Variants in ACTA2 observed in about 807,000 individuals in gnomAD.
The protein encoded by ACTA2 is actin, aortic smooth muscle.
Under a neutral mutation model 39.5 loss-of-function variants are expected in ACTA2, and 12 were observed. That is an observed-to-expected ratio of 0.30 (90% CI 0.19 to 0.49). The LOEUF (loss-of-function observed/expected upper bound fraction) is 0.49, where lower values mean the gene tolerates loss of function less well. Among genes scored for constraint, ACTA2 ranks in the 20% least tolerant of loss-of-function variants. The pLI, the probability that ACTA2 is intolerant of heterozygous loss-of-function variation, is 0.99. For missense variants in ACTA2, 236 were observed against 498.8 expected (o/e 0.47, Z 5.02); for synonymous variants, 158 against 180.6 (o/e 0.88, Z 1.00).
intron 1 of ACTA2, among the ~76,000 whole-genome samples, chr10:88,985,477 A>G (rs1243436273): frequency 6.6e-6 from 1 of 152,166 alleles, no homozygotes; most frequent in Admixed American, 6.5e-5. Flanking sequence ...CTTTCTACCC[A>G]AGTGCTCTGG....
At position 88,947,342 on chromosome 10, in the gene ACTA2, G is replaced by A. The variant is rs150547139; in HGVS notation, c.174C>T (p.Asp58=). 3.7e-5 allele frequency: 60 copies of A among 1,613,748 alleles called. No homozygotes were observed. Among genetic ancestry groups the A allele is most frequent in the African/African-American group, 3.2e-4 (24 of 74,944 alleles). The part of the protein sequence containing the change: ...GMGQKDSYVG[D]EAQSKRGILT... The stretch of plus-strand genomic sequence containing the variant: ...GGATTCCTCTTTTGCTCTGTGCTTC[G>A]TCACCCACGTAGCTGTCTTTTTGTC... Residue 58 remains aspartate, a synonymous_variant, in exon 3 of 9, where the codon GAC becomes GAT. Transcript: ENST00000224784.
chr10:88,989,730 T>C (rs1238309987), intron 1 of ACTA2, among the ~76,000 whole-genome samples: 1 of 152,184 alleles, frequency 6.6e-6, no homozygotes, highest in East Asian at 1.9e-4. Context: ...CAAAGGGTTA[T>C]TAATGTGTTA....
intron 1 of ACTA2, among the ~76,000 whole-genome samples, chr10:88,960,327 G>A (rs545924355): frequency 6.6e-6 from 1 of 152,314 alleles, no homozygotes; most frequent in Non-Finnish European, 1.5e-5. Context: ...GATTCTCTGA[G>A]TGTGGATGAC....
At chr10:88,987,186 T>TC (rs1232838298) in intron 1 of ACTA2, among the ~76,000 whole-genome samples, 1 of 152,232 alleles carries the variant, frequency 6.6e-6, no homozygotes, top group Non-Finnish European at 1.5e-5. Context: ...AGAAGTAATA[T>TC]CCCTAGATAG....
intron 1 of ACTA2, among the ~76,000 whole-genome samples, chr10:88,958,002 G>A (rs1846166046): frequency 6.6e-6 from 1 of 152,000 alleles, no homozygotes. Context: ...TCCTGACCTC[G>A]TGATCTGCCT....
chr10:88,977,569 C>G (rs75525420), intron 1 of ACTA2, among the ~76,000 whole-genome samples: 1 of 151,890 alleles, frequency 6.6e-6, no homozygotes, highest in Non-Finnish European at 1.5e-5. Flanking sequence ...ACAAACAGCC[C>G]CATCAAAAAG....
At chr10:88,956,300 T>TG (rs1846137795), upstream of ACTA2, among the ~76,000 whole-genome samples, 1 of 152,180 alleles carries the variant, frequency 6.6e-6, no homozygotes, top group Non-Finnish European at 1.5e-5. Context: ...GAAGCTCTTG[T>TG]GGGGGTCTAT....
At chr10:88,968,135 T>C (rs1460837234) in intron 1 of ACTA2, among the ~76,000 whole-genome samples, 1 of 152,216 alleles carries the variant, frequency 6.6e-6, no homozygotes, top group Non-Finnish European at 1.5e-5. Flanking sequence ...CAGTTATATG[T>C]ATTTAACTTG....
chr10:88,979,202 A>G (rs1246334569), intron 1 of ACTA2, among the ~76,000 whole-genome samples: 1 of 151,914 alleles, frequency 6.6e-6, no homozygotes, highest in African/African-American at 2.4e-5. Flanking sequence ...GTTGTGTATG[A>G]GCGTAGGGAT....
chr10:88,942,784 A>G (rs1347861792), intron 4 of ACTA2, among the ~76,000 whole-genome samples: 1 of 152,096 alleles, frequency 6.6e-6, no homozygotes, highest in Non-Finnish European at 1.5e-5. Flanking sequence ...AGGAACAATA[A>G]TTCATCAGAA....
At chr10:88,979,010 A>G (rs1846643038) in intron 1 of ACTA2, among the ~76,000 whole-genome samples, 1 of 152,036 alleles carries the variant, frequency 6.6e-6, no homozygotes, top group Non-Finnish European at 1.5e-5. Flanking sequence ...TAATAAGCAT[A>G]TAAAGTTTAT....
At chr10:88,967,397 T>C (rs1387805457) in intron 1 of ACTA2, among the ~76,000 whole-genome samples, 1 of 152,106 alleles carries the variant, frequency 6.6e-6, no homozygotes, top group African/African-American at 2.4e-5. Context: ...CTCACCTCAG[T>C]TTTTTCATCT....
At chr10:88,938,294 T>G in intron 7 of ACTA2, 52 bp from the exon 8 acceptor site, 1 of 1,601,472 alleles carries the variant, frequency 6.2e-7, no homozygotes, top group Non-Finnish European at 8.6e-7. Flanking sequence ...AAACCCAGGC[T>G]AGACATGGAA....
At chr10:88,937,528 T>A (rs1845765067) in intron 8 of ACTA2, among the ~76,000 whole-genome samples, 1 of 152,154 alleles carries the variant, frequency 6.6e-6, no homozygotes, top group African/African-American at 2.4e-5. Flanking sequence ...AGCTTGGTCA[T>A]CCTAGAGTCA....
intron 8 of ACTA2, 86 bp from the exon 9 acceptor site, chr10:88,935,452 C>T: frequency 6.7e-7 from 1 of 1,486,222 alleles, no homozygotes; most frequent in African/African-American, 1.4e-5. Flanking sequence ...GGATGTTCTA[C>T]CATGGCCTAG....
At chr10:88,953,010 C>T (rs59597720), upstream of ACTA2, among the ~76,000 whole-genome samples, 7 of 152,378 alleles carry the variant, frequency 4.6e-5, no homozygotes, top group South Asian at 2.1e-4. Flanking sequence ...GAGATAAACA[C>T]GCCAAGCCTT....
intron 1 of ACTA2, among the ~76,000 whole-genome samples, chr10:88,962,912 CAT>C (rs60878394): frequency 4.9e-5 from 5 of 101,586 alleles, no homozygotes; most frequent in Admixed American, 1.2e-4. Context: ...GGGAATGCCC[CAT>C]ATATATATAT....
At chr10:88,941,700 C>A in intron 5 of ACTA2, 85 bp downstream of exon 5, 2 of 1,245,456 alleles carry the variant, frequency 1.6e-6, no homozygotes. Context: ...CAACTCCAGT[C>A]CGTCACCCCC....
At chr10:88,941,642 C>T in intron 5 of ACTA2, 143 bp downstream of exon 5, 1 of 864,658 alleles carries the variant, frequency 1.2e-6, no homozygotes, top group Non-Finnish European at 1.9e-6. Context: ...ATTTTGAACA[C>T]TAGAAGAAGA....
Sources: allele counts gnomAD v4.1 joint callset (sites outside exome capture counted in the v4.1 genomes callset), GRCh38; gene constraint gnomAD v4.1.1; transcripts MANE v1.5; gene names NCBI Gene and HGNC (gene_info 2026-07-23, HGNC 2026-07-21).